ZNF529: variants seen among roughly 807,000 people sequenced by gnomAD.
The protein encoded by ZNF529 is zinc finger protein 529.
Under a neutral mutation model 10.1 loss-of-function variants are expected in ZNF529, and 11 were observed. That is an observed-to-expected ratio of 1.09 (90% CI 0.69 to 1.81). ZNF529 has a LOEUF of 1.81. Ranked by LOEUF, ZNF529 falls within the 40% of genes most tolerant of loss-of-function variation. The pLI, the probability that ZNF529 is intolerant of heterozygous loss-of-function variation, is 0.00. For missense variants in ZNF529, 624 were observed against 666.8 expected (o/e 0.94, Z 0.71); for synonymous variants, 204 against 215.7 (o/e 0.95, Z 0.47).
rs1241638648 is a variant in ZNF529 at position 36,546,436 on chromosome 19, CTG to C, written c.*428_*429del. On this transcript the variant is annotated 3_prime_UTR_variant, in exon 5 of 5. Transcript: ENST00000591340. ...TTACACAAAATGATGAGCTGTAAGA[CTG>C]TAAAAATACATTGTATCTGACTAGG... The C allele has an allele frequency of 1.9e-5, 3 of 154,632 alleles. No individual in the cohort carries two copies. The highest frequency in any genetic ancestry group is 1.9e-4 in the East Asian group (1 of 5,220). 9.6% of individuals were successfully genotyped at this position (154,632 alleles called of 1,614,324 possible). A position where few individuals can be genotyped will look rare whatever the true frequency, so the allele number is the denominator to read the frequency against.
At chr19:36,567,364 C>T (rs2035937840) in intron 2 of ZNF529, among the ~76,000 whole-genome samples, 1 of 152,012 alleles carries the variant, frequency 6.6e-6, no homozygotes, top group African/African-American at 2.4e-5. Context: ...ATCAATGACC[C>T]AAATATAAGA....
At chr19:36,557,276 A>G (rs2035513734) in intron 2 of ZNF529, among the ~76,000 whole-genome samples, 2 of 152,202 alleles carry the variant, frequency 1.3e-5, no homozygotes, top group African/African-American at 4.8e-5. Flanking sequence ...ATTTTACAAC[A>G]TGGTGGGAAT....
intron 1 of ZNF529, 73 bp downstream of exon 1, chr19:36,573,067 C>T (rs3096617): frequency 0.32 from 58,268 of 181,340 alleles, 10,016 homozygotes; most frequent in South Asian, 0.39. Context: ...TCAAACAGCA[C>T]CCACGGCACA....
At chr19:36,563,646 A>G (rs28410949) in intron 2 of ZNF529, among the ~76,000 whole-genome samples, 2 of 152,226 alleles carry the variant, frequency 1.3e-5, no homozygotes, top group African/African-American at 4.8e-5. Flanking sequence ...ATCAGATGAC[A>G]CAAATGGAAA....
chr19:36,551,917 T>C (rs1223165033), intron 4 of ZNF529: 1 of 152,224 alleles, frequency 6.6e-6, no homozygotes, highest in African/African-American at 2.4e-5. Flanking sequence ...GTCAATTCCA[T>C]GAGAGCAGGG....
In ZNF529 at chr19:36,554,705, A is replaced by G. The variant is rs1568582082; in HGVS notation, c.200T>C (p.Val67Ala). Reference sequence around the variant, plus strand: ...TAAGTTGCTGTAGTTCTCCATCATCACATCCCAGTACAAGTTCCTCTGAGC... The same window carrying G: ...TAAGTTGCTGTAGTTCTCCATCATCGCATCCCAGTACAAGTTCCTCTGAGC... ...DSAQRNLYWD[V>A]MMENYSNLLS... Residue 67 changes from valine (V) to alanine (A), a missense_variant, in exon 4 of 5, where the codon GTG (valine) becomes GCG (alanine). By Grantham distance (64) the Val-to-Ala change is moderately conservative. Transcript: ENST00000591340. 7.6e-6 allele frequency: 12 copies of G among 1,572,372 alleles called. No individual in the cohort carries two copies. The highest frequency in any genetic ancestry group is 8.6e-6 in the Non-Finnish European group (10 of 1,157,592).
upstream of ZNF529, among the ~76,000 whole-genome samples, chr19:36,576,749 C>CTATATCACTCA (rs2036328261): frequency 6.7e-6 from 1 of 148,986 alleles, no homozygotes; most frequent in South Asian, 2.1e-4. Context: ...TAATAATTGG[C>CTATATCACTCA]TATATCACTC....
At chr19:36,603,592 A>G (rs2036965215) in intron 1 of ZNF529, among the ~76,000 whole-genome samples, 1 of 152,226 alleles carries the variant, frequency 6.6e-6, no homozygotes, top group Admixed American at 6.5e-5. Flanking sequence ...CTTGGAATAC[A>G]GCAAAATGTG....
At chr19:36,570,117 T>C (rs967003845) in intron 2 of ZNF529, among the ~76,000 whole-genome samples, 5 of 151,578 alleles carry the variant, frequency 3.3e-5, no homozygotes, top group African/African-American at 7.3e-5. Flanking sequence ...TTCCAACACT[T>C]TGGGAGGCAG....
chr19:36,557,830 C>T (rs377729589), intron 2 of ZNF529, among the ~76,000 whole-genome samples: 1 of 152,118 alleles, frequency 6.6e-6, no homozygotes, highest in East Asian at 1.9e-4. Flanking sequence ...AAGAAGCCCA[C>T]AACAGAAACT....
intron 1 of ZNF529, chr19:36,604,871 T>G (rs1470242429): frequency 2.0e-5 from 3 of 152,026 alleles, no homozygotes; most frequent in Non-Finnish European, 4.4e-5. Flanking sequence ...GTGCACCTGC[T>G]GTGCACACAC....
At position 36,547,156 on chromosome 19, in the gene ZNF529, G is replaced by A; in HGVS notation, c.1402C>T (p.His468Tyr). 1 of 1,613,324 alleles carries A rather than the reference G, an allele frequency of 6.2e-7. No homozygotes were observed. The highest frequency in any genetic ancestry group is 1.3e-5 in the African/African-American group (1 of 74,968). The change falls in exon 5 of 5, where the codon CAT becomes TAT. Residue 468 changes from histidine to tyrosine, a missense_variant. Physicochemically the swap from His to Tyr is moderately conservative, Grantham distance 83. Transcript: ENST00000591340. ...TTCTCACCACTATGAATTCTTTGAT[G>A]TTGAATAAGGGCTGACGTAAGTCTA... ...FFRLTSALIQHQRIHSGEKPY... is the reference protein window; with the variant it reads ...FFRLTSALIQYQRIHSGEKPY...
At chr19:36,574,835 G>A (rs574633277), upstream of ZNF529, 42 of 471,144 alleles carry the variant, frequency 8.9e-5, no homozygotes, top group Admixed American at 4.7e-5. Flanking sequence ...TATACATTAC[G>A]AATAAAGCTG....
At chr19:36,603,107 G>A (rs1402606442) in intron 1 of ZNF529, among the ~76,000 whole-genome samples, 2 of 152,042 alleles carry the variant, frequency 1.3e-5, no homozygotes, top group African/African-American at 4.8e-5. Context: ...AACAAAAAAA[G>A]TTACTATAAC....
chr19:36,603,059 T>C (rs2145299777), intron 1 of ZNF529, among the ~76,000 whole-genome samples: 2 of 152,198 alleles, frequency 1.3e-5, no homozygotes, highest in South Asian at 4.1e-4. Context: ...TCTCTGCACA[T>C]ACTCTGCAAT....
Position 36,547,585 on chromosome 19 carries a change from G to A in ZNF529, c.973C>T (p.Leu325Phe). Residue 325 changes from leucine to phenylalanine, a missense_variant, in exon 5 of 5, where the codon CTT becomes TTT. By Grantham distance (22) the Leu-to-Phe change is conservative. Transcript: ENST00000591340. Reference sequence around the variant, plus strand: ...GTATGAATTCTCTGATGTTCGGTAAGCTGTGAATGAAATCTGAAGTCCTTG... The same window carrying A: ...GTATGAATTCTCTGATGTTCGGTAAACTGTGAATGAAATCTGAAGTCCTTG... ...CGKDFRFHSQ[L>F]TEHQRIHTGE... 1.2e-6 allele frequency: 2 copies of A among 1,613,866 alleles called. No individual in the cohort carries two copies. Among genetic ancestry groups the A allele is most frequent in the Non-Finnish European group, 1.7e-6 (2 of 1,179,820 alleles).
chr19:36,574,886 G>T (rs1414289631), upstream of ZNF529: 6 of 471,148 alleles, frequency 1.3e-5, no homozygotes, highest in African/African-American at 4.0e-5. Flanking sequence ...TAGAAGAAAA[G>T]TTGCTGGGTA....
intron 2 of ZNF529, among the ~76,000 whole-genome samples, chr19:36,566,586 G>T (rs998031148): frequency 2.4e-4 from 37 of 151,702 alleles, no homozygotes; most frequent in African/African-American, 8.7e-4. Flanking sequence ...CTGTTGGGGA[G>T]GTGGGGGGCG....
chr19:36,591,564 C>CA (rs919538364), intron 1 of ZNF529, among the ~76,000 whole-genome samples: 11 of 150,156 alleles, frequency 7.3e-5, no homozygotes, highest in Non-Finnish European at 1.6e-4. Context: ...CTAAGAAATA[C>CA]AAAAAAATCA....
Sources: gnomAD v4.1 joint callset for allele counts (sites outside exome capture counted in the v4.1 genomes callset) on GRCh38, gnomAD v4.1.1 for gene constraint, MANE v1.5 for transcripts, NCBI Gene and HGNC (gene_info 2026-07-23, HGNC 2026-07-21) for gene names.